The following BTG1 variants were observed in gnomAD, a reference collection of about 807,000 sequenced individuals.
BTG1 encodes the protein BTG anti-proliferation factor 1, also known as protein BTG1.
Under a neutral mutation model 15.2 loss-of-function variants are expected in BTG1, and 2 were observed. That is an observed-to-expected ratio of 0.13 (90% CI 0.05 to 0.41). BTG1 has a LOEUF of 0.41. BTG1 is among the 10% of genes least tolerant of loss of function. The probability of loss-of-function intolerance (pLI) is 0.99; values close to 1 mark genes in which losing one functional copy is unlikely to be tolerated. For missense variants in BTG1, 149 were observed against 215.0 expected (o/e 0.69, Z 1.92); for synonymous variants, 109 against 82.4 (o/e 1.32, Z -1.75).
In BTG1 at chr12:92,143,600, A is replaced by C. The variant is rs967397055; in HGVS notation, c.*480T>G. On this transcript the variant is annotated 3_prime_UTR_variant, in exon 2 of 2. Coordinates refer to ENST00000256015, the MANE Select transcript of BTG1 (RefSeq NM_001731.3). ...CTTTATGTACATTTATACATATTTAAGTGCTAGGTAAAAGTCTTGTAAAAT... is the reference window on the plus strand; with the variant it reads ...CTTTATGTACATTTATACATATTTACGTGCTAGGTAAAAGTCTTGTAAAAT... 4.1e-6 allele frequency: 1 copy of C among 241,288 alleles called. No homozygotes were observed. Among genetic ancestry groups the C allele is most frequent in the Non-Finnish European group, 8.1e-6 (1 of 123,322 alleles). The allele number at this position is 241,288 out of a possible 1,614,324, so 14.9% of individuals were successfully genotyped here. A position where few individuals can be genotyped will look rare whatever the true frequency, so the allele number is the denominator to read the frequency against.
chr12:92,145,231 G>C (rs574198386), intron 1 of BTG1, 157 bp downstream of exon 1: 1 of 1,167,646 alleles, frequency 8.6e-7, no homozygotes, highest in Non-Finnish European at 1.1e-6. Flanking sequence ...GCGGGGAACC[G>C]CTGTTAGCGG....
chr12:92,143,630 A>C lies in BTG1; in HGVS notation c.*450T>G, dbSNP rs1159245146. The C allele has an allele frequency of 4.1e-6, 1 of 243,724 alleles. No individual in the cohort carries two copies. Among genetic ancestry groups the C allele is most frequent in the Admixed American group, 5.6e-5 (1 of 17,982 alleles). The allele number at this position is 243,724 out of a possible 1,614,324, so 15.1% of individuals were successfully genotyped here. ...TAGGTAAAAGTCTTGTAAAATTTCCAGTACTACCATGTTTAAAACGTTTAA... is the reference window on the plus strand; with the variant it reads ...TAGGTAAAAGTCTTGTAAAATTTCCCGTACTACCATGTTTAAAACGTTTAA... On this transcript the variant is annotated 3_prime_UTR_variant, in exon 2 of 2. Transcript: ENST00000256015.
rs953326526 is a variant in BTG1, at chr12:92,145,743, C to T, written c.-208G>A. On this transcript the variant is annotated 5_prime_UTR_variant, in exon 1 of 2. Transcript: ENST00000256015. Reference sequence around the variant, plus strand: ...GCGGCAGGAGAGAGGAAGAGACGAGCGATGGCGGCCTGGTCACATCGCTCG... The same window carrying T: ...GCGGCAGGAGAGAGGAAGAGACGAGTGATGGCGGCCTGGTCACATCGCTCG... 2.2e-5 allele frequency: 7 copies of T among 312,274 alleles called. No homozygotes were observed. The highest frequency in any genetic ancestry group is 1.1e-4 in the African/African-American group (5 of 46,350). 19.3% of individuals were successfully genotyped at this position (312,274 alleles called of 1,614,324 possible).
At position 92,142,156 on chromosome 12, in the gene BTG1, A is replaced by G. The variant is rs1870276117; in HGVS notation, c.*1924T>C. The G allele has an allele frequency of 4.3e-6, 1 of 232,236 alleles. No homozygotes were observed. Among genetic ancestry groups the G allele is most frequent in the South Asian group, 1.8e-4 (1 of 5,526 alleles). 14.4% of individuals were successfully genotyped at this position (232,236 alleles called of 1,614,324 possible). ...TAACTCTCGAGAATGGTGTGCCAAT[A>G]ATATCCACAGACATTTGTACTCTAA... On this transcript the variant is annotated 3_prime_UTR_variant, in exon 2 of 2. Transcript: ENST00000256015.
chr12:92,143,044 A>G lies in BTG1; in HGVS notation c.*1036T>C. The G allele has an allele frequency of 4.3e-6, 1 of 233,004 alleles. No individual in the cohort carries two copies. Among genetic ancestry groups the G allele is most frequent in the Non-Finnish European group, 8.5e-6 (1 of 117,900 alleles). 14.4% of individuals were successfully genotyped at this position (233,004 alleles called of 1,614,324 possible). A position where few individuals can be genotyped will look rare whatever the true frequency, so the allele number is the denominator to read the frequency against. ...TGTTTTTCCAGCATGACCAGTGTGC[A>G]ACAGAGATTCAGTTTATAGAACCTG... On this transcript the variant is annotated 3_prime_UTR_variant, in exon 2 of 2. Transcript: ENST00000256015.
chr12:92,143,690 T>C lies in BTG1; in HGVS notation c.*390A>G, dbSNP rs28399546. The stretch of plus-strand genomic sequence containing the variant: ...TAAAAGCTGCCGAAAAGGTTAACAA[T>C]AACAACTTTCAAGTGTAATAGTGCA... On this transcript the variant is annotated 3_prime_UTR_variant, in exon 2 of 2. Coordinates refer to ENST00000256015, the MANE Select transcript of BTG1 (RefSeq NM_001731.3). 1.3e-3 allele frequency: 334 copies of C among 262,972 alleles called. 1 individual carries two copies. The highest frequency in any genetic ancestry group is 2.1e-3 in the Non-Finnish European group (288 of 137,620). The allele number at this position is 262,972 out of a possible 1,614,324, so 16.3% of individuals were successfully genotyped here. A position where few individuals can be genotyped will look rare whatever the true frequency, so the allele number is the denominator to read the frequency against.
rs1214804076 is a variant in BTG1 at position 92,140,961 on chromosome 12, AC to A, written c.*3118del. The A allele has an allele frequency of 1.7e-5, 4 of 232,730 alleles. No homozygotes were observed. Among genetic ancestry groups the A allele is most frequent in the Non-Finnish European group, 3.4e-5 (4 of 117,786 alleles). 14.4% of individuals were successfully genotyped at this position (232,730 alleles called of 1,614,324 possible). A position where few individuals can be genotyped will look rare whatever the true frequency, so the allele number is the denominator to read the frequency against. On this transcript the variant is annotated 3_prime_UTR_variant, in exon 2 of 2. Coordinates refer to ENST00000256015, the MANE Select transcript of BTG1 (RefSeq NM_001731.3). ...ATCTTTAAACTTCAATATGCAAAGT[AC>A]AACTTCAGTTATCATACCTCTCTTC...
chr12:92,145,316 G>T lies in BTG1; in HGVS notation c.148+72C>A, dbSNP rs964959858. ...GCCCCGGGGCGCTGCCGAGGTTCCC[G>T]CAGCCCCGACGGCCGGACTCTGACC... On this transcript the variant is annotated intron_variant, in intron 1 of 1. Transcript: ENST00000256015. The T allele has an allele frequency of 2.4e-5, 33 of 1,385,332 alleles. No individual in the cohort carries two copies. The Admixed American group carries it at 8.1e-4, about 34-fold the overall frequency. The allele number at this position is 1,385,332 out of a possible 1,614,324, so 85.8% of individuals were successfully genotyped here.
chr12:92,141,852 G>A lies in BTG1; in HGVS notation c.*2228C>T, dbSNP rs971482306. On this transcript the variant is annotated 3_prime_UTR_variant, in exon 2 of 2. Coordinates refer to ENST00000256015, the MANE Select transcript of BTG1 (RefSeq NM_001731.3). ...TTTTCAAAGATTGAAAAAGTCTGAT[G>A]TCAAGATCTTCAAAAACAACTTTCC... The A allele has an allele frequency of 4.3e-6, 1 of 231,682 alleles. No individual in the cohort carries two copies. The highest frequency in any genetic ancestry group is 8.5e-6 in the Non-Finnish European group (1 of 117,326). The allele number at this position is 231,682 out of a possible 1,614,324, so 14.4% of individuals were successfully genotyped here.
At position 92,145,369 on chromosome 12, in the gene BTG1, A is replaced by T; in HGVS notation, c.148+19T>A. On this transcript the variant is annotated intron_variant, in intron 1 of 1. Coordinates refer to ENST00000256015, the MANE Select transcript of BTG1 (RefSeq NM_001731.3). ...GGGATGTGGGGCCCGCGTCCCTCCG[A>T]CGCCCTCGCCCTGCTCACCTGCCAG... 2 of 1,529,448 alleles carry T rather than the reference A, an allele frequency of 1.3e-6. No homozygotes were observed. The highest frequency in any genetic ancestry group is 1.8e-6 in the Non-Finnish European group (2 of 1,135,442). 94.7% of individuals were successfully genotyped at this position (1,529,448 alleles called of 1,614,324 possible).
rs1279315389 is a variant in BTG1, at chr12:92,142,368, A to G, written c.*1712T>C. 8.7e-6 allele frequency: 2 copies of G among 231,206 alleles called. No homozygotes were observed. The highest frequency in any genetic ancestry group is 8.6e-6 in the Non-Finnish European group (1 of 116,842). 14.3% of individuals were successfully genotyped at this position (231,206 alleles called of 1,614,324 possible). A position where few individuals can be genotyped will look rare whatever the true frequency, so the allele number is the denominator to read the frequency against. On this transcript the variant is annotated 3_prime_UTR_variant, in exon 2 of 2. Transcript: ENST00000256015. ...ATATATACCAAAAAAAGGCCACTAT[A>G]TGTTAACTGTGTAGAGCAAAATTCA...
intron 1 of BTG1, among the ~76,000 whole-genome samples, chr12:92,144,834 C>G (rs1015830382): frequency 6.6e-6 from 1 of 152,176 alleles, no homozygotes; most frequent in Non-Finnish European, 1.5e-5. Flanking sequence ...GGACTGTTAA[C>G]CCCGAAGGGA....
Position 92,144,074 on chromosome 12 carries a change from T to G in BTG1, c.*6A>C, listed in dbSNP as rs753654285. The stretch of plus-strand genomic sequence containing the variant: ...ATCATCAGATGATCCATCCACAGAC[T>G]ATATCTTAACCTGATACAGTCATCA... On this transcript the variant is annotated 3_prime_UTR_variant, in exon 2 of 2. Transcript: ENST00000256015. 1.2e-6 allele frequency: 2 copies of G among 1,610,920 alleles called. No homozygotes were observed. The highest frequency in any genetic ancestry group is 1.7e-6 in the Non-Finnish European group (2 of 1,179,678).
rs1308776405 is a variant in BTG1, at chr12:92,140,416, G to C, written c.*3664C>G. On this transcript the variant is annotated 3_prime_UTR_variant, in exon 2 of 2. Coordinates refer to ENST00000256015, the MANE Select transcript of BTG1 (RefSeq NM_001731.3). ...GTTGAGGAAATGGTATCAATCCTCA[G>C]GATTAATACAATCTAAGGCTTACTT... 4.5e-6 allele frequency: 1 copy of C among 223,920 alleles called. No homozygotes were observed. Among genetic ancestry groups the C allele is most frequent in the African/African-American group, 2.2e-5 (1 of 44,816 alleles). 13.9% of individuals were successfully genotyped at this position (223,920 alleles called of 1,614,324 possible).
Position 92,144,310 on chromosome 12 carries a change from T to C in BTG1, c.286A>G (p.Arg96Gly). 6.2e-7 allele frequency: 1 copy of C among 1,614,250 alleles called. No individual in the cohort carries two copies. The highest frequency in any genetic ancestry group is 8.5e-7 in the Non-Finnish European group (1 of 1,180,042). Residue 96 changes from arginine (R) to glycine (G), a missense_variant, in exon 2 of 2, where the codon AGG becomes GGG. By Grantham distance (125) the Arg-to-Gly change is moderately radical. Around this residue, in one of 3 missense-constraint regions of BTG1, gnomAD observed 34 missense variants for 96.8 expected, o/e 0.35. Transcript: ENST00000256015. ...AGTGTGAGTTCACTTGGGAGAAGCC[T>C]GAACAGCTCCTGACTGCTCAGTCCA... ...RIGLSSQELF[R>G]LLPSELTLWV...
chr12:92,142,256 ACTT>A lies in BTG1; in HGVS notation c.*1821_*1823del. The A allele has an allele frequency of 4.3e-6, 1 of 231,314 alleles. No homozygotes were observed. Among genetic ancestry groups the A allele is most frequent in the Non-Finnish European group, 8.6e-6 (1 of 116,898 alleles). The allele number at this position is 231,314 out of a possible 1,614,324, so 14.3% of individuals were successfully genotyped here. ...TAATTTATTCCTGGGTGTAGAAATA[ACTT>A]CTTAAAAGTTATTTGAGATTACTAA... On this transcript the variant is annotated 3_prime_UTR_variant, in exon 2 of 2. Transcript: ENST00000256015.
In BTG1 at chr12:92,141,605, C is replaced by T. The variant is rs1337697723; in HGVS notation, c.*2475G>A. 1 of 230,812 alleles carries T rather than the reference C, an allele frequency of 4.3e-6. No individual in the cohort carries two copies. The highest frequency in any genetic ancestry group is 2.2e-5 in the African/African-American group (1 of 45,174). The allele number at this position is 230,812 out of a possible 1,614,324, so 14.3% of individuals were successfully genotyped here. A position where few individuals can be genotyped will look rare whatever the true frequency, so the allele number is the denominator to read the frequency against. On this transcript the variant is annotated 3_prime_UTR_variant, in exon 2 of 2. Coordinates refer to ENST00000256015, the MANE Select transcript of BTG1 (RefSeq NM_001731.3). ...TTATAATAAAATATTTCAAAACATT[C>T]CCCAGAAACAGTGAACAAGAAATAC...
chr12:92,140,692 G>A lies in BTG1; in HGVS notation c.*3388C>T, dbSNP rs1319993819. 2.2e-5 allele frequency: 5 copies of A among 231,812 alleles called. No individual in the cohort carries two copies. Among genetic ancestry groups the A allele is most frequent in the African/African-American group, 4.4e-5 (2 of 45,230 alleles). 14.4% of individuals were successfully genotyped at this position (231,812 alleles called of 1,614,324 possible). A position where few individuals can be genotyped will look rare whatever the true frequency, so the allele number is the denominator to read the frequency against. ...TTAGTTCCAAATATGAAAATAAACC[G>A]GTTATATTTTGATAGCAGCCATATA... On this transcript the variant is annotated 3_prime_UTR_variant, in exon 2 of 2. Transcript: ENST00000256015.
Position 92,143,380 on chromosome 12 carries a change from C to T in BTG1, c.*700G>A, listed in dbSNP as rs937523547. The T allele has an allele frequency of 3.0e-5, 7 of 233,056 alleles. No homozygotes were observed. Among genetic ancestry groups the T allele is most frequent in the African/African-American group, 1.5e-4 (7 of 45,312 alleles). The allele number at this position is 233,056 out of a possible 1,614,324, so 14.4% of individuals were successfully genotyped here. A position where few individuals can be genotyped will look rare whatever the true frequency, so the allele number is the denominator to read the frequency against. Reference sequence around the variant, plus strand: ...CCACTTTCTAAAAATAAGAAGTTTACTCAGTCTTAGAAAACTACAAGCTAG... The same window carrying T: ...CCACTTTCTAAAAATAAGAAGTTTATTCAGTCTTAGAAAACTACAAGCTAG... On this transcript the variant is annotated 3_prime_UTR_variant, in exon 2 of 2. Transcript: ENST00000256015.
Sources: gnomAD v4.1 joint callset for allele counts (sites outside exome capture counted in the v4.1 genomes callset) on GRCh38, gnomAD v4.1.1 for gene constraint, gnomAD v4.1.1 regional missense constraint, MANE v1.5 for transcripts, NCBI Gene and HGNC (gene_info 2026-07-23, HGNC 2026-07-21) for gene names.